SURF6: variants seen among roughly 807,000 people sequenced by gnomAD.
SURF6 encodes the protein surfeit locus protein 6.
SURF6 carries 28 observed loss-of-function variants against 37.5 expected under a neutral mutation model. The observed-to-expected ratio is 0.75, with a 90% confidence interval of 0.55 to 1.02. SURF6 has a LOEUF of 1.02. Among genes scored for constraint, SURF6 ranks in the 50% least tolerant of loss-of-function variants. SURF6 has a pLI of 0.00. For synonymous variants in SURF6, 248 were observed against 210.9 expected, an observed-to-expected ratio of 1.18 and a Z score of -1.52; for missense variants, 560 against 490.5, an observed-to-expected ratio of 1.14 and a Z score of -1.34.
At position 133,332,753 on chromosome 9, in the gene SURF6, G is replaced by A. The variant is rs1357785956; in HGVS notation, c.401C>T (p.Ala134Val). ...CAAGGCGGCAGGGGACAGCTCCTTG[G>A]CACTGCCCTGGGGGAAAGAGGCACC... Reference protein sequence around the residue: ...KIQEARGQGSAKELSPAALEK... With the variant: ...KIQEARGQGSVKELSPAALEK... Residue 134 changes from alanine to valine, a missense_variant, in exon 4 of 5, where the codon GCC becomes GTC. Physicochemically the swap from Ala to Val is moderately conservative, Grantham distance 64. Transcript: ENST00000372022. The A allele has an allele frequency of 1.9e-6, 3 of 1,610,494 alleles. No homozygotes were observed. Among genetic ancestry groups the A allele is most frequent in the East Asian group, 2.2e-5 (1 of 44,876 alleles).
intron 2 of SURF6, 138 bp from the exon 3 acceptor site, chr9:133,333,944 A>C (rs1835811115): frequency 1.4e-6 from 1 of 708,168 alleles, no homozygotes; most frequent in Non-Finnish European, 2.5e-6. Context: ...CACCGCTTCA[A>C]CCTGGACTGG....
intron 1 of SURF6, 90 bp from the exon 2 acceptor site, chr9:133,334,691 G>A (rs1835829998): frequency 6.8e-7 from 1 of 1,466,824 alleles, no homozygotes. Context: ...ATCCCAGGAA[G>A]ATGCCGAAAG....
rs150029172 is a variant in SURF6, at chr9:133,331,685, ACTCT to A, written c.*180_*183del. On this transcript the variant is annotated 3_prime_UTR_variant, in exon 5 of 5. Coordinates refer to ENST00000372022, the MANE Select transcript of SURF6 (RefSeq NM_006753.6). ...TCCTGCGTTCAAGGATGACGCTGAA[ACTCT>A]CTCTTTCTCACATGGGATCTGTGAT... is the stretch of plus-strand genomic sequence containing the variant. The A allele has an allele frequency of 3.9e-5, 30 of 772,210 alleles. No homozygotes were observed. The highest frequency in any genetic ancestry group is 3.3e-4 in the East Asian group (10 of 30,628). The allele number at this position is 772,210 out of a possible 1,614,324, so 47.8% of individuals were successfully genotyped here.
In SURF6 at chr9:133,336,041, C is replaced by G. The variant is rs2129933608; in HGVS notation, c.92G>C (p.Arg31Pro). The change falls in exon 1 of 5, where the codon CGG (arginine) becomes CCG (proline). Residue 31 changes from arginine to proline, a missense_variant and splice_region_variant. By Grantham distance (103) the Arg-to-Pro change is moderately radical (BLOSUM62 -2). Transcript: ENST00000372022. The part of the protein sequence containing the change: ...HSAPEQQART[R>P]AGKTQGSETA... The stretch of plus-strand genomic sequence containing the variant: ...CCCGGCCCGGCCCTGTGCGTTACCC[C>G]GCGTGCGCGCCTGCTGTTCCGGGGC... The G allele has an allele frequency of 8.3e-5, 134 of 1,611,038 alleles. 1 individual carries two copies. The highest frequency in any genetic ancestry group is 6.4e-4 in the South Asian group (58 of 91,012).
Position 133,333,707 on chromosome 9 carries a change from T to C in SURF6, c.393+11A>G, listed in dbSNP as rs1835804191. On this transcript the variant is annotated intron_variant, in intron 3 of 4. Transcript: ENST00000372022. ...AGCAGTGACGGCACTCCAGCAAACC[T>C]GCCCGCCTACCTGGCCCCGGGCCTC... The C allele has an allele frequency of 1.9e-6, 3 of 1,613,122 alleles. No individual in the cohort carries two copies. The African/African-American group carries it at 4.0e-5, about 22-fold the overall frequency.
chr9:133,331,864 A>C lies in SURF6; in HGVS notation c.*5T>G, dbSNP rs2129912038. On this transcript the variant is annotated 3_prime_UTR_variant, in exon 5 of 5. Coordinates refer to ENST00000372022, the MANE Select transcript of SURF6 (RefSeq NM_006753.6). ...CGGAAGACGGCGGCCCCAGGTGGGA[A>C]AGACTCAGACCAGGCCTGCGCGCTC... The C allele has an allele frequency of 8.7e-6, 13 of 1,498,206 alleles. No individual in the cohort carries two copies. The highest frequency in any genetic ancestry group is 2.8e-5 in the African/African-American group (2 of 70,792). 92.8% of individuals were successfully genotyped at this position (1,498,206 alleles called of 1,614,324 possible).
At chr9:133,333,685 A>G (rs2129924100) in intron 3 of SURF6, 33 bp downstream of exon 3, 4 of 1,597,464 alleles carry the variant, frequency 2.5e-6, no homozygotes, top group Non-Finnish European at 3.4e-6. Context: ...CAGGCAGAGC[A>G]GTGACGGCAC....
chr9:133,333,695 C>T (rs782695741), intron 3 of SURF6, 23 bp downstream of exon 3: 1 of 1,611,382 alleles, frequency 6.2e-7, no homozygotes, highest in Non-Finnish European at 8.5e-7. Context: ...AGTGACGGCA[C>T]TCCAGCAAAC....
At chr9:133,334,717 G>A (rs1423773288) in intron 1 of SURF6, 116 bp from the exon 2 acceptor site, 1 of 1,250,152 alleles carries the variant, frequency 8.0e-7, no homozygotes, top group Non-Finnish European at 1.1e-6. Context: ...CAGGATCGGG[G>A]GCCAGAGACA....
rs1800867 is a variant in SURF6, at chr9:133,332,023, G to A, written c.932C>T (p.Thr311Met). The A allele has an allele frequency of 0.019, 30,555 of 1,601,268 alleles. 379 individuals are homozygous for A. Among genetic ancestry groups the A allele is most frequent in the Non-Finnish European group, 0.022 (26,090 of 1,179,252 alleles). Reference protein sequence around the residue: ...AQRQRRWEKRTAGVVEKMQQR... With the variant: ...AQRQRRWEKRMAGVVEKMQQR... ...CTGCATCTTCTCCACCACGCCGGCCGTGCGCTTCTCCCACCGGCGCTGCCG... is the reference window on the plus strand; with the variant it reads ...CTGCATCTTCTCCACCACGCCGGCCATGCGCTTCTCCCACCGGCGCTGCCG... Residue 311 changes from threonine to methionine, a missense_variant, in exon 5 of 5, where the codon ACG (threonine) becomes ATG (methionine). By Grantham distance (81) the Thr-to-Met change is moderately conservative. Transcript: ENST00000372022.
In SURF6 at chr9:133,332,219, G is replaced by A. The variant is rs2129916417; in HGVS notation, c.736C>T (p.Arg246Trp). ...CGCAGCTCGTCCAGCCGGCTCTGCC[G>A]TGCCTGCAGGCGCTCCAGCAGCTGC... ...YRQLLERLQA[R>W]QSRLDELRGQ... is the part of the protein sequence containing the mutation. Residue 246 changes from arginine to tryptophan, a missense_variant, in exon 5 of 5, where the codon CGG becomes TGG. Transcript: ENST00000372022. The A allele has an allele frequency of 6.2e-6, 10 of 1,607,078 alleles. No individual in the cohort carries two copies. Among genetic ancestry groups the A allele is most frequent in the South Asian group, 4.4e-5 (4 of 91,074 alleles).
In SURF6 at chr9:133,330,937, A is replaced by T. The variant is rs1443755848; in HGVS notation, c.*932T>A. The T allele has an allele frequency of 2.0e-5, 3 of 152,190 alleles. No individual in the cohort carries two copies. Among genetic ancestry groups the T allele is most frequent in the Non-Finnish European group, 4.4e-5 (3 of 68,036 alleles). The allele number at this position is 152,190 out of a possible 1,614,324, so 9.4% of individuals were successfully genotyped here. On this transcript the variant is annotated 3_prime_UTR_variant, in exon 5 of 5. Coordinates refer to ENST00000372022, the MANE Select transcript of SURF6 (RefSeq NM_006753.6). Reference sequence around the variant, plus strand: ...ATCCTATCTTTCACAGGGCTTTTTCATCAGTTGCCTCTGTCTGGTAACAGT... The same window carrying T: ...ATCCTATCTTTCACAGGGCTTTTTCTTCAGTTGCCTCTGTCTGGTAACAGT...
chr9:133,334,903 C>T (rs1280933650), intron 1 of SURF6, among the ~76,000 whole-genome samples: 1 of 152,168 alleles, frequency 6.6e-6, no homozygotes, highest in Non-Finnish European at 1.5e-5. Flanking sequence ...AATAAGCTAC[C>T]ATGCTGCCAT....
intron 2 of SURF6, 139 bp downstream of exon 2, chr9:133,334,253 A>G: frequency 1.3e-6 from 1 of 758,204 alleles, no homozygotes; most frequent in Non-Finnish European, 2.1e-6. Context: ...CACTCCTGTG[A>G]TCTTTGCTCT....
Position 133,331,921 on chromosome 9 carries a change from C to G in SURF6, c.1034G>C (p.Arg345Pro). Residue 345 changes from arginine to proline, a missense_variant, in exon 5 of 5, where the codon CGC (arginine) becomes CCC (proline). Transcript: ENST00000372022. ...ARAERRLLRA[R>P]KKGRILPQDL... ...CTGCGGCAGGATGCGGCCCTTCTTG[C>G]GGGCTCTGAGCAGGCGGCGCTCGGC... The G allele has an allele frequency of 6.4e-7, 1 of 1,566,186 alleles. No homozygotes were observed. Among genetic ancestry groups the G allele is most frequent in the Non-Finnish European group, 8.6e-7 (1 of 1,166,890 alleles).
intron 1 of SURF6, among the ~76,000 whole-genome samples, chr9:133,334,862 C>T (rs2129929366): frequency 1.3e-5 from 2 of 152,200 alleles, no homozygotes; most frequent in African/African-American, 4.8e-5. Context: ...TGAATATCCA[C>T]CTCCACTAAC....
At chr9:133,333,359 C>T (rs1285732247) in intron 3 of SURF6, among the ~76,000 whole-genome samples, 1 of 152,198 alleles carries the variant, frequency 6.6e-6, no homozygotes, top group South Asian at 2.1e-4. Context: ...TAGGGGCCAA[C>T]ACAGGGGAGA....
In SURF6 at chr9:133,331,772, G is replaced by T; in HGVS notation, c.*97C>A. On this transcript the variant is annotated 3_prime_UTR_variant, in exon 5 of 5. Coordinates refer to ENST00000372022, the MANE Select transcript of SURF6 (RefSeq NM_006753.6). ...TGTCCCCCTCACATGGAGAGGCCGA[G>T]GTCTGTGGAGATCCTGGGACAGAGC... 1 of 1,433,694 alleles carries T rather than the reference G, an allele frequency of 7.0e-7. No individual in the cohort carries two copies. The allele number at this position is 1,433,694 out of a possible 1,614,324, so 88.8% of individuals were successfully genotyped here. A position where few individuals can be genotyped will look rare whatever the true frequency, so the allele number is the denominator to read the frequency against.
chr9:133,334,322 A>G, intron 2 of SURF6, 70 bp downstream of exon 2: 1 of 1,453,214 alleles, frequency 6.9e-7, no homozygotes, highest in East Asian at 2.3e-5. Context: ...CTTAAGAGCA[A>G]AGGGGACCAA....
Sources: gnomAD v4.1 joint callset for allele counts (sites outside exome capture counted in the v4.1 genomes callset) on GRCh38, gnomAD v4.1.1 for gene constraint, MANE v1.5 for transcripts, NCBI Gene and HGNC (gene_info 2026-07-23, HGNC 2026-07-21) for gene names.